The following CCZ1 variants were observed in gnomAD, a reference collection of about 807,000 sequenced individuals.
The protein encoded by CCZ1 is CCZ1 vacuolar protein trafficking and biogenesis associated, also known as vacuolar fusion protein CCZ1 homolog.
Under a neutral mutation model 57.8 loss-of-function variants are expected in CCZ1, and 19 were observed. That is an observed-to-expected ratio of 0.33 (90% confidence interval 0.23 to 0.48). The LOEUF (loss-of-function observed/expected upper bound fraction) is 0.48, where lower values mean the gene tolerates loss of function less well. Ranked by LOEUF, CCZ1 falls within the 20% of genes least tolerant of loss-of-function variation. The pLI, the probability that CCZ1 is intolerant of heterozygous loss-of-function variation, is 0.99. For missense variants in CCZ1, 200 were observed against 492.0 expected (o/e 0.41, Z 5.61); for synonymous variants, 81 against 167.0 (o/e 0.49, Z 3.97).
Position 5,900,925 on chromosome 7 carries a change from A to C in CCZ1, c.383A>C (p.Glu128Ala), listed in dbSNP as rs1781672446. The change falls in exon 4 of 15, where the codon GAG becomes GCG. Residue 128 changes from glutamate to alanine, a missense_variant. Coordinates refer to ENST00000325974, the MANE Select transcript of CCZ1 (RefSeq NM_015622.6). ...GKPVIEYQEE[E>A]LLDKVYSSVL... is the part of the protein sequence containing the mutation. Reference sequence around the variant, plus strand: ...CCAGTTATTGAATATCAAGAGGAGGAGTTGTTGGTAATGTGTCATTGTTTG... The same window carrying C: ...CCAGTTATTGAATATCAAGAGGAGGCGTTGTTGGTAATGTGTCATTGTTTG... The C allele has an allele frequency of 1.4e-6, 2 of 1,409,736 alleles. No individual in the cohort carries two copies. Among genetic ancestry groups the C allele is most frequent in the African/African-American group, 1.6e-5 (1 of 61,366 alleles). 87.3% of individuals were successfully genotyped at this position (1,409,736 alleles called of 1,614,324 possible). A position where few individuals can be genotyped will look rare whatever the true frequency, so the allele number is the denominator to read the frequency against.
intron 7 of CCZ1, among the ~76,000 whole-genome samples, chr7:5,909,827 T>A (rs1331936711): frequency 6.6e-6 from 1 of 151,278 alleles, no homozygotes; most frequent in Non-Finnish European, 1.5e-5. Flanking sequence ...GAATTATGTT[T>A]AGGAAAAAGG....
chr7:5,905,541 T>C (rs546396017), intron 7 of CCZ1, among the ~76,000 whole-genome samples: 1 of 146,298 alleles, frequency 6.8e-6, no homozygotes, highest in Admixed American at 6.7e-5. Context: ...CTTAGCACTT[T>C]GGGAGGCTGA....
intron 6 of CCZ1, among the ~76,000 whole-genome samples, chr7:5,904,602 G>A (rs1434595873): frequency 2.7e-5 from 4 of 146,872 alleles, no homozygotes; most frequent in Non-Finnish European, 4.4e-5. Context: ...GGAGGCCGAG[G>A]CAGGCAGATC....
chr7:5,910,366 TTTTG>T lies in CCZ1; in HGVS notation c.780+259_780+262del, dbSNP rs562493302. ...TGTGTGTTGGTTTTTTTGTGTGTGTTTTTGTTTGTTTGGTTTTTGAGACGGAGTC... is the reference window on the plus strand; with the variant it reads ...TGTGTGTTGGTTTTTTTGTGTGTGTTTTTGTTTGGTTTTTGAGACGGAGTC... On this transcript the variant is annotated intron_variant, in intron 8 of 14. Transcript: ENST00000325974. The T allele has an allele frequency of 1.1e-3, 421 of 366,758 alleles. 7 individuals are homozygous for T. Among genetic ancestry groups the T allele is most frequent in the Non-Finnish European group, 1.6e-3 (333 of 211,900 alleles). The allele number at this position is 366,758 out of a possible 1,614,324, so 22.7% of individuals were successfully genotyped here.
intron 7 of CCZ1, among the ~76,000 whole-genome samples, chr7:5,906,323 C>CTTTT (rs398066572): frequency 1.5e-4 from 19 of 128,034 alleles, no homozygotes; most frequent in African/African-American, 2.4e-4. Flanking sequence ...TTCTTTCTTT[C>CTTTT]TTTTTTTTTT....
chr7:5,899,992 G>C (rs1562536780), intron 1 of CCZ1, among the ~76,000 whole-genome samples: 2 of 145,232 alleles, frequency 1.4e-5, no homozygotes, highest in African/African-American at 5.3e-5. Context: ...TTTCTGACTG[G>C]TGGGCAGTAT....
rs542198512 is a variant in CCZ1, at chr7:5,914,484, T to C, written c.954+1530T>C. Among the ~76,000 whole-genome samples the C allele has an allele frequency of 3.4e-5, 5 of 148,902 alleles. No individual in the cohort carries two copies. The South Asian group carries it at 8.9e-4, about 26-fold the overall frequency. ...GTTTCATATCCAGCACCAGACATTA[T>C]GTGACAGTGGAAGAGAGACTTTCAA... On this transcript the variant is annotated intron_variant, in intron 10 of 14. Transcript: ENST00000325974.
At chr7:5,923,064 A>G (rs1366731855) in intron 12 of CCZ1, among the ~76,000 whole-genome samples, 3 of 126,490 alleles carry the variant, frequency 2.4e-5, no homozygotes, top group East Asian at 4.7e-4. Flanking sequence ...CACGCCTGTA[A>G]TCCCTGCACT....
At chr7:5,910,014 A>G in intron 7 of CCZ1, 21 bp from the exon 8 acceptor site, 1 of 1,599,974 alleles carries the variant, frequency 6.3e-7, no homozygotes, top group South Asian at 1.1e-5. Flanking sequence ...CGTTTAACCC[A>G]GTGCTTTTCT....
chr7:5,906,269 T>A (rs1781817857), intron 7 of CCZ1, among the ~76,000 whole-genome samples: 1 of 147,424 alleles, frequency 6.8e-6, no homozygotes, highest in Non-Finnish European at 1.5e-5. Flanking sequence ...TTGCAGCTGT[T>A]CTGGGACCCT....
At chr7:5,906,436 C>T (rs1781825821) in intron 7 of CCZ1, among the ~76,000 whole-genome samples, 1 of 147,664 alleles carries the variant, frequency 6.8e-6, no homozygotes, top group African/African-American at 2.5e-5. Context: ...GATTCTCCTG[C>T]CTCAGCCTCC....
intron 5 of CCZ1, chr7:5,901,918 A>G (rs1456955908): frequency 1.6e-5 from 8 of 502,372 alleles, no homozygotes; most frequent in Admixed American, 3.4e-5. Context: ...TCAGCCTTAT[A>G]GTAGGAATGT....
intron 1 of CCZ1, among the ~76,000 whole-genome samples, chr7:5,899,595 C>A (rs867998977): frequency 4.0e-3 from 372 of 93,462 alleles, no homozygotes; most frequent in South Asian, 5.7e-3. Context: ...CCCAACTCTA[C>A]AAAAAAAAAA....
intron 7 of CCZ1, among the ~76,000 whole-genome samples, chr7:5,908,275 CTGGACAATATAA>C (rs1268217190): frequency 7.5e-6 from 1 of 133,170 alleles, no homozygotes; most frequent in Non-Finnish European, 1.6e-5. Context: ...GGAGACCAGC[CTGGACAATATAA>C]TGAGGCTCTG....
Position 5,911,988 on chromosome 7 carries a change from C to T in CCZ1, c.842+66C>T, listed in dbSNP as rs543098925. On this transcript the variant is annotated intron_variant, in intron 9 of 14. Transcript: ENST00000325974. ...TTCTTTTTTGACTCAGAGTCTGGCT[C>T]TGTTACCCAGGCTGGAGAGCAGTGG... 5 of 1,556,662 alleles carry T rather than the reference C, an allele frequency of 3.2e-6. No homozygotes were observed. In the African/African-American group the frequency reaches 4.3e-5, roughly 13 times the overall value.
chr7:5,907,024 C>A (rs55966540), intron 7 of CCZ1, among the ~76,000 whole-genome samples: 7 of 148,770 alleles, frequency 4.7e-5, no homozygotes, highest in African/African-American at 1.7e-4. Flanking sequence ...CATACCACAA[C>A]ACCCAGCTAA....
rs1425400047 is a variant in CCZ1 at position 5,918,789 on chromosome 7, C to CT, written c.955-75dup. 17 of 596,492 alleles carry CT rather than the reference C, an allele frequency of 2.9e-5. 1 individual carries two copies. Among genetic ancestry groups the CT allele is most frequent in the Non-Finnish European group, 5.0e-5 (17 of 340,388 alleles). The allele number at this position is 596,492 out of a possible 1,614,324, so 36.9% of individuals were successfully genotyped here. On this transcript the variant is annotated intron_variant, in intron 10 of 14. Transcript: ENST00000325974. ...CTTACAGTTGACTTCTCCCCATTGA[C>CT]TTTGAACAGATTGTTATTATACGAA...
At chr7:5,904,695 G>T (rs2128611082) in intron 6 of CCZ1, among the ~76,000 whole-genome samples, 1 of 147,370 alleles carries the variant, frequency 6.8e-6, no homozygotes. Flanking sequence ...GCTGGGCATG[G>T]TGGCAGGCGC....
chr7:5,903,995 G>C (rs1249783273), intron 6 of CCZ1, among the ~76,000 whole-genome samples: 4 of 61,748 alleles, frequency 6.5e-5, no homozygotes, highest in African/African-American at 2.3e-4. Context: ...CTCCATCTCG[G>C]GGGGGGAAAT....
Sources: allele counts gnomAD v4.1 joint callset (sites outside exome capture counted in the v4.1 genomes callset), GRCh38; gene constraint gnomAD v4.1.1; transcripts MANE v1.5; gene names NCBI Gene and HGNC (gene_info 2026-07-23, HGNC 2026-07-21).